The following MAST4 variants were observed in gnomAD, a reference collection of about 807,000 sequenced individuals.
MAST4 encodes microtubule associated serine/threonine kinase family member 4.
Under a neutral mutation model 162.7 loss-of-function variants are expected in MAST4, and 89 were observed. The observed-to-expected ratio is 0.55, with a 90% CI of 0.46 to 0.65. The LOEUF is 0.65. Ranked by LOEUF, MAST4 falls within the 30% of genes least tolerant of loss-of-function variation. The pLI is 0.00. For synonymous variants in MAST4, 1,479 were observed against 1,361.1 expected (o/e 1.09, Z -1.91); for missense variants, 3,153 against 3,374.0 (o/e 0.93, Z 1.62).
At chr5:66,900,814 G>A (rs1443660811) in intron 4 of MAST4, among the ~76,000 whole-genome samples, 1 of 152,040 alleles carries the variant, frequency 6.6e-6, no homozygotes, top group African/African-American at 2.4e-5. Context: ...TTTATTCTAG[G>A]CTAAATTTTG....
intron 1 of MAST4, among the ~76,000 whole-genome samples, chr5:66,643,593 C>T (rs2149438289): frequency 6.6e-6 from 1 of 152,244 alleles, no homozygotes. Context: ...GACCAGGCCT[C>T]AGGCTGTATG....
chr5:66,940,118 TAC>T (rs1054783117), intron 4 of MAST4, among the ~76,000 whole-genome samples: 27 of 152,198 alleles, frequency 1.8e-4, no homozygotes, highest in African/African-American at 6.3e-4. Context: ...TGTATGTATA[TAC>T]ACACACACAT....
intron 1 of MAST4, among the ~76,000 whole-genome samples, chr5:66,639,577 A>G (rs1745350133): frequency 6.6e-6 from 1 of 152,118 alleles, no homozygotes; most frequent in South Asian, 2.1e-4. Flanking sequence ...CCTAAGGACA[A>G]AAAACAGCTC....
At chr5:66,972,049 G>A (rs1370127632) in intron 4 of MAST4, among the ~76,000 whole-genome samples, 1 of 152,150 alleles carries the variant, frequency 6.6e-6, no homozygotes, top group Non-Finnish European at 1.5e-5. Context: ...AGATAATAAT[G>A]CCTCTTGGAG....
At chr5:66,922,576 G>A (rs532928392) in intron 4 of MAST4, among the ~76,000 whole-genome samples, 1 of 152,212 alleles carries the variant, frequency 6.6e-6, no homozygotes, top group South Asian at 2.1e-4. Context: ...GACAAAAATT[G>A]TAATGAATGA....
intron 1 of MAST4, among the ~76,000 whole-genome samples, chr5:66,724,387 A>G (rs756861486): frequency 3.9e-5 from 6 of 152,204 alleles, no homozygotes; most frequent in Non-Finnish European, 8.8e-5. Flanking sequence ...TAAATTATCC[A>G]GGTGGGATTC....
intron 1 of MAST4, among the ~76,000 whole-genome samples, chr5:66,708,669 G>A (rs1483626625): frequency 2.6e-5 from 4 of 152,176 alleles, no homozygotes; most frequent in Non-Finnish European, 5.9e-5. Flanking sequence ...CCTGGTGATA[G>A]TGAGCTGCAT....
chr5:66,995,697 A>G (rs913726733), intron 4 of MAST4, among the ~76,000 whole-genome samples: 4 of 151,774 alleles, frequency 2.6e-5, no homozygotes, highest in African/African-American at 9.7e-5. Flanking sequence ...CACCATGCCC[A>G]GACGAAAATT....
At chr5:66,917,332 G>C in intron 4 of MAST4, 1 of 296,546 alleles carries the variant, frequency 3.4e-6, no homozygotes, top group Non-Finnish European at 6.4e-6. Context: ...TTATGTGAAA[G>C]TATTAATCCG....
At chr5:67,064,786 G>A (rs754456289) in intron 5 of MAST4, among the ~76,000 whole-genome samples, 2 of 152,118 alleles carry the variant, frequency 1.3e-5, no homozygotes, top group African/African-American at 2.4e-5. Flanking sequence ...ACAGAAAATC[G>A]ACATTGGGAA....
intron 1 of MAST4, among the ~76,000 whole-genome samples, chr5:66,598,412 A>G (rs1244601448): frequency 1.3e-5 from 2 of 152,208 alleles, no homozygotes; most frequent in Non-Finnish European, 1.5e-5. Flanking sequence ...TTTCACTCTC[A>G]TACTCCTGTT....
chr5:67,096,601 A>G (rs779579807), intron 7 of MAST4, among the ~76,000 whole-genome samples: 8 of 152,190 alleles, frequency 5.3e-5, no homozygotes, highest in African/African-American at 9.6e-5. Context: ...ATGACAAGAA[A>G]CTACAGTTAA....
In MAST4 at chr5:67,090,239, CTT is replaced by C; in HGVS notation, c.833+12_833+13del. 1 of 1,608,514 alleles carries C rather than the reference CTT, an allele frequency of 6.2e-7. No individual in the cohort carries two copies. The highest frequency in any genetic ancestry group is 8.5e-7 in the Non-Finnish European group (1 of 1,175,864). ...TTTTTCATTTGCACGGAGGTAAGGA[CTT>C]TTTGTGAGTGGAGGCATAAGGTCTT... On this transcript the variant is annotated intron_variant, in intron 6 of 28. Transcript: ENST00000403625.
chr5:66,971,692 C>A (rs944284917), intron 4 of MAST4, among the ~76,000 whole-genome samples: 1 of 152,018 alleles, frequency 6.6e-6, no homozygotes, highest in Admixed American at 6.6e-5. Context: ...TAACAGTTAT[C>A]TTTTTTTAGT....
chr5:66,984,768 C>T (rs1439617229), intron 4 of MAST4, among the ~76,000 whole-genome samples: 10 of 114,346 alleles, frequency 8.7e-5, no homozygotes, highest in Non-Finnish European at 1.6e-4. Context: ...GGGGGCGGGG[C>T]GGGGGGCATT....
At chr5:67,062,060 C>T (rs1219470514) in intron 5 of MAST4, among the ~76,000 whole-genome samples, 5 of 152,024 alleles carry the variant, frequency 3.3e-5, no homozygotes, top group African/African-American at 1.2e-4. Context: ...ACAATTTAGT[C>T]ATTAGAGATG....
Position 66,727,010 on chromosome 5 carries a change from G to T in MAST4, c.364-32699G>T, listed in dbSNP as rs571873853. On this transcript the variant is annotated intron_variant, in intron 1 of 28. Transcript: ENST00000403625. ...GTTTGGAGACTGTTCCAATGGTTCT[G>T]GTGAGAGATAGTGACCTTAGTTAGG... Among the ~76,000 whole-genome samples, 11 of 152,230 alleles carry T rather than the reference G, an allele frequency of 7.2e-5. No homozygotes were observed. The South Asian group carries it at 2.3e-3, about 32-fold the overall frequency.
chr5:67,105,844 G>A (rs181758411), intron 10 of MAST4, among the ~76,000 whole-genome samples: 5 of 152,260 alleles, frequency 3.3e-5, no homozygotes, highest in Admixed American at 3.3e-4. Context: ...CTCTACACTA[G>A]AGTATAAAGT....
chr5:66,963,495 G>T (rs1746272897), intron 4 of MAST4, among the ~76,000 whole-genome samples: 1 of 152,168 alleles, frequency 6.6e-6, no homozygotes, highest in Non-Finnish European at 1.5e-5. Flanking sequence ...AATGGCAGCT[G>T]TAGTTTTTAA....
Sources: allele counts gnomAD v4.1 joint callset (sites outside exome capture counted in the v4.1 genomes callset), GRCh38; gene constraint gnomAD v4.1.1; transcripts MANE v1.5; gene names NCBI Gene and HGNC (gene_info 2026-07-23, HGNC 2026-07-21).